The following STOX2 variants were observed in gnomAD, a reference collection of about 807,000 sequenced individuals.
STOX2 encodes the protein storkhead-box protein 2.
In STOX2, 28 loss-of-function variants were observed where a neutral mutation model predicts 60.9. The ratio of observed to expected loss-of-function variants is 0.46; its 90% CI spans 0.34 to 0.63. The LOEUF (loss-of-function observed/expected upper bound fraction) is 0.63. Ranked by LOEUF, STOX2 falls within the 30% of genes least tolerant of loss-of-function variation. The pLI is 0.01. For missense variants in STOX2, 1,024 were observed against 1,187.7 expected (o/e 0.86, Z 2.03); for synonymous variants, 472 against 463.9 (o/e 1.02, Z -0.22).
At chr4:183,895,869 G>A (rs1480021557) in intron 1 of STOX2, among the ~76,000 whole-genome samples, 1 of 152,146 alleles carries the variant, frequency 6.6e-6, no homozygotes, top group Non-Finnish European at 1.5e-5. Flanking sequence ...TAATAGGAAG[G>A]GCACTGTTGT....
At chr4:183,827,474 A>G (rs1382554748) in intron 1 of STOX2, among the ~76,000 whole-genome samples, 1 of 152,018 alleles carries the variant, frequency 6.6e-6, no homozygotes, top group African/African-American at 2.4e-5. Context: ...GCTGGGTGAC[A>G]ATGAGACCCT....
At chr4:183,874,172 G>A (rs746646700) in intron 1 of STOX2, among the ~76,000 whole-genome samples, 7 of 151,968 alleles carry the variant, frequency 4.6e-5, no homozygotes, top group Non-Finnish European at 4.4e-5. Context: ...CAGAGACTTG[G>A]AGAAAAAAAA....
chr4:183,965,213 C>T (rs1169497038), intron 1 of STOX2, among the ~76,000 whole-genome samples: 1 of 152,152 alleles, frequency 6.6e-6, no homozygotes, highest in Non-Finnish European at 1.5e-5. Flanking sequence ...TGTGTAGGTT[C>T]AGGATATTAG....
At chr4:183,957,543 C>T (rs917570980) in intron 1 of STOX2, among the ~76,000 whole-genome samples, 15 of 152,138 alleles carry the variant, frequency 9.9e-5, no homozygotes, top group African/African-American at 3.6e-4. Context: ...TGTTTTTGTG[C>T]CATAATGGAC....
intron 1 of STOX2, among the ~76,000 whole-genome samples, chr4:183,962,815 G>A (rs544848041): frequency 6.6e-6 from 1 of 152,336 alleles, no homozygotes; most frequent in East Asian, 1.9e-4. Context: ...GAGAAAAACA[G>A]TGTGCTTTTA....
At chr4:183,886,350 G>C (rs537978075) in intron 1 of STOX2, among the ~76,000 whole-genome samples, 235 of 44,222 alleles carry the variant, frequency 5.3e-3, no homozygotes, top group African/African-American at 9.8e-3. Context: ...CAACAGAAAG[G>C]GGGGGGAATG....
intron 1 of STOX2, among the ~76,000 whole-genome samples, chr4:183,826,365 G>A (rs867870922): frequency 6.6e-6 from 1 of 152,114 alleles, no homozygotes; most frequent in African/African-American, 2.4e-5. Context: ...AGAATGGCTT[G>A]CTCATCTATC....
chr4:184,000,691 G>T (rs545942906), intron 1 of STOX2, among the ~76,000 whole-genome samples: 4 of 152,292 alleles, frequency 2.6e-5, no homozygotes, highest in African/African-American at 7.2e-5. Context: ...TGGAACCTTG[G>T]AAATTCCTGC....
intron 1 of STOX2, chr4:183,798,890 GT>G: frequency 2.4e-6 from 2 of 844,010 alleles, no homozygotes; most frequent in Non-Finnish European, 2.9e-6. Flanking sequence ...TGTACTTTGG[GT>G]TTTATACTTT....
rs988286778 is a variant in STOX2, at chr4:183,955,056, T to A, written c.167-46269T>A. 2.0e-5 allele frequency among the ~76,000 whole-genome samples: 3 copies of A among 152,258 alleles called. No individual in the cohort carries two copies. The South Asian group carries it at 6.2e-4, about 32-fold the overall frequency. On this transcript the variant is annotated intron_variant, in intron 1 of 3. Transcript: ENST00000308497. ...AGGTAATCTCTTCAGACTCCTCTAG[T>A]TGTTTCCTTGGCATGTATCTAATTT... is the stretch of plus-strand genomic sequence containing the variant.
intron 1 of STOX2, among the ~76,000 whole-genome samples, chr4:183,910,457 A>G (rs1159434308): frequency 6.6e-6 from 1 of 152,170 alleles, no homozygotes; most frequent in Non-Finnish European, 1.5e-5. Flanking sequence ...TGTGAACTGT[A>G]AGCTCTTCAC....
intron 1 of STOX2, among the ~76,000 whole-genome samples, chr4:183,907,233 C>T (rs1449135840): frequency 2.0e-5 from 3 of 152,206 alleles, no homozygotes; most frequent in South Asian, 2.1e-4. Context: ...CTGCAAGCCC[C>T]GGCGCTGCAG....
chr4:183,825,822 A>G lies in STOX2; in HGVS notation c.364+27767A>G, dbSNP rs1264284016. Among the ~76,000 whole-genome samples the G allele has an allele frequency of 6.6e-6, 1 of 152,118 alleles. No individual in the cohort carries two copies. Among genetic ancestry groups the G allele is most frequent in the Admixed American group, 6.5e-5 (1 of 15,274 alleles). The stretch of plus-strand genomic sequence containing the variant: ...CTGCTCTGGGCTCCTGAGCACAGGC[A>G]GGGTGTGATCAAATCAGTGTTTGGG... On this transcript the variant is annotated intron_variant, in intron 1 of 2. Coordinates refer to the STOX2 transcript ENST00000513034. The surrounding 1 kb of genome is among the most constrained non-coding windows in gnomAD (Gnocchi z 4.1).
At chr4:183,969,405 T>G (rs1743672924) in intron 1 of STOX2, among the ~76,000 whole-genome samples, 1 of 152,244 alleles carries the variant, frequency 6.6e-6, no homozygotes, top group African/African-American at 2.4e-5. Context: ...AAACATTTAC[T>G]TTTAAAAATT....
At chr4:183,812,763 T>C (rs1289801290) in intron 1 of STOX2, among the ~76,000 whole-genome samples, 1 of 152,236 alleles carries the variant, frequency 6.6e-6, no homozygotes, top group African/African-American at 2.4e-5. Flanking sequence ...TGATTTTCTC[T>C]AAGCCCTGAC....
chr4:183,909,694 C>T (rs12644266), intron 1 of STOX2, among the ~76,000 whole-genome samples: 56,269 of 151,934 alleles, frequency 0.37, 10,624 homozygotes, highest in East Asian at 0.45. Context: ...TAATAATTTT[C>T]CTTTTGGTCT....
intron 1 of STOX2, among the ~76,000 whole-genome samples, chr4:183,996,345 A>G (rs1429536188): frequency 1.3e-5 from 2 of 152,272 alleles, no homozygotes; most frequent in East Asian, 1.9e-4. Flanking sequence ...AGTTGTCGTT[A>G]TGAATGTGTT....
chr4:183,932,357 A>AT (rs1210019135), intron 1 of STOX2, among the ~76,000 whole-genome samples: 2 of 21,296 alleles, frequency 9.4e-5, no homozygotes, highest in East Asian at 5.6e-4. Flanking sequence ...GTATACATAC[A>AT]GTATATGTAT....
intron 1 of STOX2, among the ~76,000 whole-genome samples, chr4:183,859,685 CTTG>C (rs369339468): frequency 8.5e-4 from 130 of 152,364 alleles, no homozygotes; most frequent in African/African-American, 2.2e-3. Context: ...ATGCAGGGAA[CTTG>C]TTGTTGAAAC....
Sources: gnomAD v4.1 joint callset for allele counts (sites outside exome capture counted in the v4.1 genomes callset) on GRCh38, gnomAD v4.1.1 for gene constraint, Gnocchi (gnomAD v3.1) non-coding constraint, MANE v1.5 for transcripts, NCBI Gene and HGNC (gene_info 2026-07-23, HGNC 2026-07-21) for gene names.